Variants in HSD17B12 observed in about 807,000 individuals in gnomAD.
HSD17B12 encodes the protein hydroxysteroid 17-beta dehydrogenase 12.
Under a neutral mutation model 39.3 loss-of-function variants are expected in HSD17B12, and 32 were observed. That is an observed-to-expected ratio of 0.81 (90% CI 0.61 to 1.09). HSD17B12 has a LOEUF of 1.09. HSD17B12 is among the 50% of genes least tolerant of loss of function. The pLI is 0.00. For missense variants in HSD17B12, 342 were observed against 382.9 expected (o/e 0.89, Z 0.89); for synonymous variants, 150 against 146.7 (o/e 1.02, Z -0.16).
At chr11:43,784,864 C>CT (rs778314857) in intron 3 of HSD17B12, among the ~76,000 whole-genome samples, 5 of 152,042 alleles carry the variant, frequency 3.3e-5, no homozygotes, top group South Asian at 2.1e-4. Flanking sequence ...TCTTAAAAGC[C>CT]TTTTTTTAGT....
intron 6 of HSD17B12, among the ~76,000 whole-genome samples, chr11:43,821,002 C>T (rs1219047138): frequency 2.6e-5 from 4 of 152,082 alleles, no homozygotes; most frequent in African/African-American, 9.7e-5. Context: ...TATCCTGAGA[C>T]CAAAGAAATT....
At chr11:43,692,093 G>A (rs920127269) in intron 1 of HSD17B12, among the ~76,000 whole-genome samples, 1 of 152,106 alleles carries the variant, frequency 6.6e-6, no homozygotes, top group Non-Finnish European at 1.5e-5. Flanking sequence ...CTTATTAGTC[G>A]TGTGTATGTA....
the HSD17B12 span, among the ~76,000 whole-genome samples, chr11:43,618,231 CA>C: frequency 6.6e-6 from 1 of 152,108 alleles, no homozygotes; most frequent in East Asian, 1.9e-4. Context: ...CTAATAACAA[CA>C]AGATAGCTTT....
chr11:43,653,863 A>G, the HSD17B12 span, among the ~76,000 whole-genome samples: 35 of 152,296 alleles, frequency 2.3e-4, no homozygotes, highest in African/African-American at 7.9e-4. Context: ...ATAAACATAC[A>G]TGTGCATGTG....
chr11:43,838,797 A>T (rs1220305097), intron 8 of HSD17B12, among the ~76,000 whole-genome samples: 2 of 152,172 alleles, frequency 1.3e-5, no homozygotes, highest in African/African-American at 2.4e-5. Context: ...TTCACACAGC[A>T]TAGAAGAAAT....
At chr11:43,601,461 T>G in the HSD17B12 span, among the ~76,000 whole-genome samples, 1 of 151,916 alleles carries the variant, frequency 6.6e-6, no homozygotes, top group Non-Finnish European at 1.5e-5. Context: ...CATTTCACAG[T>G]ATCATTTGGT....
intron 9 of HSD17B12, among the ~76,000 whole-genome samples, chr11:43,847,661 G>A (rs1951489514): frequency 7.0e-6 from 1 of 142,600 alleles, no homozygotes; most frequent in Admixed American, 7.3e-5. Context: ...GAGCTGTGAT[G>A]GTGTCACTGC....
chr11:43,758,740 T>A (rs1950532675), intron 3 of HSD17B12, among the ~76,000 whole-genome samples: 1 of 152,166 alleles, frequency 6.6e-6, no homozygotes, highest in Non-Finnish European at 1.5e-5. Context: ...TTTGTACTCA[T>A]CATTTCTGCC....
At chr11:43,619,229 ATATATATATATAT>A in the HSD17B12 span, among the ~76,000 whole-genome samples, 1 of 12,428 alleles carries the variant, frequency 8.0e-5, no homozygotes. Context: ...TATATATATG[ATATATATATATAT>A]AAAATATATA....
At chr11:43,672,811 G>A in the HSD17B12 span, among the ~76,000 whole-genome samples, 3 of 152,296 alleles carry the variant, frequency 2.0e-5, no homozygotes, top group South Asian at 2.1e-4. Flanking sequence ...AAAGTGCTAG[G>A]ATTACAGGCG....
chr11:43,819,709 T>G (rs540766951), intron 6 of HSD17B12, among the ~76,000 whole-genome samples: 1 of 152,326 alleles, frequency 6.6e-6, no homozygotes, highest in African/African-American at 2.4e-5. Flanking sequence ...TGCTAATTTA[T>G]TAAACACTTG....
chr11:43,651,005 G>C, the HSD17B12 span, among the ~76,000 whole-genome samples: 2 of 152,144 alleles, frequency 1.3e-5, no homozygotes, highest in Admixed American at 1.3e-4. Flanking sequence ...TGAGGGTCTT[G>C]GAATGTATCC....
At chr11:43,711,894 A>C (rs1950069929) in intron 1 of HSD17B12, among the ~76,000 whole-genome samples, 1 of 152,190 alleles carries the variant, frequency 6.6e-6, no homozygotes, top group East Asian at 1.9e-4. Flanking sequence ...TACATTGTAA[A>C]GCAAAAATAA....
chr11:43,616,563 T>C, the HSD17B12 span, among the ~76,000 whole-genome samples: 1 of 152,042 alleles, frequency 6.6e-6, no homozygotes, highest in Non-Finnish European at 1.5e-5. Context: ...CATATTTTAA[T>C]TTATTAAATC....
the HSD17B12 span, among the ~76,000 whole-genome samples, chr11:43,654,316 T>G: frequency 4.6e-5 from 7 of 152,214 alleles, no homozygotes. Flanking sequence ...GATGAGTAGG[T>G]TGCAAAAATT....
chr11:43,804,626 C>A (rs1951001446), intron 4 of HSD17B12, among the ~76,000 whole-genome samples: 1 of 152,074 alleles, frequency 6.6e-6, no homozygotes, highest in Non-Finnish European at 1.5e-5. Flanking sequence ...TCTTTGTTAT[C>A]CTTGCCTGTG....
chr11:43,852,654 A>G (rs559020140), intron 9 of HSD17B12: 1 of 152,284 alleles, frequency 6.6e-6, no homozygotes, highest in East Asian at 1.9e-4. Flanking sequence ...TGAACTCTGC[A>G]TTTCCTACTC....
the HSD17B12 span, among the ~76,000 whole-genome samples, chr11:43,583,340 T>TCCTCG: frequency 4.5e-3 from 679 of 152,284 alleles, 6 homozygotes; most frequent in African/African-American, 0.015. Flanking sequence ...GCGAGTCCTC[T>TCCTCG]CCTCGCCTCG....
At chr11:43,637,784 G>A in the HSD17B12 span, among the ~76,000 whole-genome samples, 1 of 152,212 alleles carries the variant, frequency 6.6e-6, no homozygotes, top group Non-Finnish European at 1.5e-5. Context: ...CTAGGAAGGT[G>A]CATGTATTTT....
Sources: allele counts gnomAD v4.1 joint callset (sites outside exome capture counted in the v4.1 genomes callset), GRCh38; gene constraint gnomAD v4.1.1; transcripts MANE v1.5; gene names NCBI Gene and HGNC (gene_info 2026-07-23, HGNC 2026-07-21).